CD4: variants seen among roughly 807,000 people sequenced by gnomAD.
CD4 encodes CD4 molecule, also known as T-cell surface glycoprotein CD4.
CD4 carries 25 observed loss-of-function variants against 50.5 expected under a neutral mutation model. The ratio of observed to expected loss-of-function variants is 0.49; its 90% CI spans 0.36 to 0.69. The LOEUF (loss-of-function observed/expected upper bound fraction) is 0.69, where lower values mean the gene tolerates loss of function less well. CD4 is among the 30% of genes least tolerant of loss of function. CD4 has a pLI of 0.00. For missense variants in CD4, 456 were observed against 548.5 expected (o/e 0.83, Z 1.68); for synonymous variants, 207 against 221.9 (o/e 0.93, Z 0.60).
chr12:6,817,837 A>G (rs1555118226), intron 7 of CD4, among the ~76,000 whole-genome samples: 1 of 149,640 alleles, frequency 6.7e-6, no homozygotes, highest in Non-Finnish European at 1.5e-5. Context: ...ACTGTCACAC[A>G]CTCATACACA....
intron 3 of CD4, among the ~76,000 whole-genome samples, chr12:6,807,113 G>A (rs113551656): frequency 0.054 from 8,175 of 152,158 alleles, 318 homozygotes; most frequent in South Asian, 0.16. Flanking sequence ...CTTGCAGTGA[G>A]CCGAGATCGC....
At position 6,816,539 on chromosome 12, in the gene CD4, C is replaced by T; in HGVS notation, c.955+136C>T. ...CACCTGGATGAAGTGAGGGAGGGCC[C>T]TCTGGGTTTGGGGCTGGTTTTGAAC... On this transcript the variant is annotated intron_variant, in intron 6 of 9. Coordinates refer to ENST00000011653, the MANE Select transcript of CD4 (RefSeq NM_000616.5). The surrounding 1 kb of genome is among the most constrained non-coding windows in gnomAD (Gnocchi z 4.9). 1.3e-6 allele frequency: 1 copy of T among 744,044 alleles called. No homozygotes were observed. Among genetic ancestry groups the T allele is most frequent in the East Asian group, 2.7e-5 (1 of 36,824 alleles). The allele number at this position is 744,044 out of a possible 1,614,324, so 46.1% of individuals were successfully genotyped here.
intron 1 of CD4, among the ~76,000 whole-genome samples, chr12:6,794,906 A>G (rs1565489062): frequency 6.6e-6 from 1 of 151,096 alleles, no homozygotes; most frequent in Non-Finnish European, 1.5e-5. Flanking sequence ...TCCTGCCTCA[A>G]TCTTTGGAGT....
chr12:6,818,531 C>G lies in CD4; in HGVS notation c.1267C>G (p.Arg423Gly), dbSNP rs201103713. 16 of 1,612,880 alleles carry G rather than the reference C, an allele frequency of 9.9e-6. No individual in the cohort carries two copies. The highest frequency in any genetic ancestry group is 1.3e-5 in the African/African-American group (1 of 75,064). The change falls in exon 8 of 10, where the codon CGG (arginine) becomes GGG (glycine). Residue 423 changes from arginine to glycine, a missense_variant. Coordinates refer to ENST00000011653, the MANE Select transcript of CD4 (RefSeq NM_000616.5). This position sits in a 1 kb window ranked among gnomAD's most constrained non-coding sequence, Gnocchi z 5.0. ...GLGIFFCVRC[R>G]HRRRQAERMS... is the part of the protein sequence containing the mutation. ...AGGCATCTTCTTCTGTGTCAGGTGC[C>G]GGCACCGAAGGGTGAGTAACCCCAC... is the stretch of plus-strand genomic sequence containing the variant.
chr12:6,794,169 T>G (rs1942291756), intron 1 of CD4, among the ~76,000 whole-genome samples: 2 of 149,358 alleles, frequency 1.3e-5, no homozygotes, highest in African/African-American at 5.0e-5. Context: ...GCCTCCCGGG[T>G]TCAAGCGATT....
rs782711669 is a variant in CD4 at position 6,818,469 on chromosome 12, TG to T, written c.1211del (p.Gly404AlafsTer11). 4 of 1,613,014 alleles carry T rather than the reference TG, an allele frequency of 2.5e-6. No individual in the cohort carries two copies. Among genetic ancestry groups the T allele is most frequent in the Non-Finnish European group, 1.7e-6 (2 of 1,180,004 alleles). ...TPVQPMALIV[L>X]GGVAGLLLFI... Reference sequence around the variant, plus strand: ...GTGCAGCCAATGGCCCTGATTGTGCTGGGGGGCGTCGCCGGCCTCCTGCTTT... The same window carrying T: ...GTGCAGCCAATGGCCCTGATTGTGCTGGGGGCGTCGCCGGCCTCCTGCTTT... On this transcript the variant is annotated frameshift_variant, in exon 8 of 10. Transcript: ENST00000011653. LOFTEE classifies it high-confidence loss of function. This position sits in a 1 kb window ranked among gnomAD's most constrained non-coding sequence, Gnocchi z 5.0.
chr12:6,819,282 C>T lies in CD4; in HGVS notation c.1347-17C>T. ...CAGTGGGGACAGACCTGCTCCCCTT[C>T]TTCTTTGTTCCTGCAGCCGGTTTCA... is the stretch of plus-strand genomic sequence containing the variant. On this transcript the variant is annotated splice_polypyrimidine_tract_variant and intron_variant, in intron 9 of 9. Transcript: ENST00000011653. The T allele has an allele frequency of 6.2e-7, 1 of 1,614,080 alleles. No homozygotes were observed. The highest frequency in any genetic ancestry group is 8.5e-7 in the Non-Finnish European group (1 of 1,179,930).
chr12:6,798,621 A>T (rs1009034951), intron 1 of CD4, among the ~76,000 whole-genome samples: 2 of 152,174 alleles, frequency 1.3e-5, no homozygotes, highest in Admixed American at 6.5e-5. Context: ...GGAGTTTCTT[A>T]TGTCTTCCTT....
intron 1 of CD4, among the ~76,000 whole-genome samples, chr12:6,794,786 G>GTTTTTTTTTT (rs1220016459): frequency 8.5e-5 from 9 of 105,366 alleles, no homozygotes; most frequent in Admixed American, 2.3e-4. Context: ...TTTTTTTTTT[G>GTTTTTTTTTT]TTTTTTTTTT....
intron 1 of CD4, among the ~76,000 whole-genome samples, chr12:6,798,222 T>TTTTTGTGA (rs1287141843): frequency 5.5e-4 from 46 of 83,662 alleles, no homozygotes; most frequent in Admixed American, 8.4e-4. Flanking sequence ...CAGGCTGGAG[T>TTTTTGTGA]GCAGTGGCGC....
chr12:6,815,960 C>A, intron 5 of CD4, 96 bp from the exon 6 acceptor site: 1 of 1,566,816 alleles, frequency 6.4e-7, no homozygotes, highest in South Asian at 1.2e-5. Flanking sequence ...TCGTCGGGTC[C>A]CCTTCCATCT....
intron 3 of CD4, among the ~76,000 whole-genome samples, chr12:6,801,599 C>T (rs146609464): frequency 0.013 from 1,927 of 150,564 alleles, 31 homozygotes; most frequent in African/African-American, 0.042. Flanking sequence ...CTCGTTCTGT[C>T]GCCCAGGCTG....
rs1190331748 is a variant in CD4 at position 6,805,184 on chromosome 12, CAAA to C, written c.214+4733_214+4735del. Among the ~76,000 whole-genome samples, 23 of 79,118 alleles carry C rather than the reference CAAA, an allele frequency of 2.9e-4. No homozygotes were observed. In the East Asian group the frequency reaches 5.3e-3, roughly 18 times the overall value. The allele number at this position is 79,118 out of a possible 152,430, so 51.9% of individuals were successfully genotyped here. On this transcript the variant is annotated intron_variant, in intron 3 of 9. Transcript: ENST00000011653. ...TCGGTAGGAGAGCAAGACCCTATCTCAAAAAAAAAAAAAAAAAAAAAAGAAAAG... is the reference window on the plus strand; with the variant it reads ...TCGGTAGGAGAGCAAGACCCTATCTCAAAAAAAAAAAAAAAAAAAGAAAAG...
intron 1 of CD4, among the ~76,000 whole-genome samples, chr12:6,797,594 A>G (rs181915606): frequency 6.6e-6 from 1 of 152,238 alleles, no homozygotes; most frequent in East Asian, 1.9e-4. Context: ...CACTATCTTT[A>G]CTATCTCCGC....
At chr12:6,802,682 C>A (rs1271921648) in intron 3 of CD4, among the ~76,000 whole-genome samples, 1 of 152,120 alleles carries the variant, frequency 6.6e-6, no homozygotes, top group East Asian at 1.9e-4. Flanking sequence ...ACTGTATATA[C>A]CTTTTTTCCT....
At position 6,808,167 on chromosome 12, in the gene CD4, A is replaced by C. The variant is rs114921361; in HGVS notation, c.215-5975A>C. 6.1e-3 allele frequency among the ~76,000 whole-genome samples: 931 copies of C among 151,550 alleles called. 13 individuals are homozygous for C. The highest frequency in any genetic ancestry group is 0.022 in the African/African-American group (901 of 41,348). On this transcript the variant is annotated intron_variant, in intron 3 of 9. Transcript: ENST00000011653. ...GTTCAAATGACTAACCTAAAAAGTG[A>C]AGATTGGCCAGGCGCAGTGGCTCAC...
At chr12:6,791,673 G>A (rs544158077) in intron 1 of CD4, among the ~76,000 whole-genome samples, 19 of 152,340 alleles carry the variant, frequency 1.2e-4, no homozygotes, top group African/African-American at 4.6e-4. Flanking sequence ...TTGAACCTGG[G>A]AGTTTGAGAC....
At chr12:6,798,270 C>A (rs370341408) in intron 1 of CD4, among the ~76,000 whole-genome samples, 1 of 91,662 alleles carries the variant, frequency 1.1e-5, no homozygotes, top group Admixed American at 9.9e-5. Context: ...CCCGGGTTCA[C>A]GCCATTCTCC....
At chr12:6,804,151 T>TAAAA (rs1180102253) in intron 3 of CD4, among the ~76,000 whole-genome samples, 23 of 115,540 alleles carry the variant, frequency 2.0e-4, no homozygotes, top group African/African-American at 6.3e-4. Context: ...AATAAATAAA[T>TAAAA]AAAATAAAAA....
Sources: allele counts gnomAD v4.1 joint callset (sites outside exome capture counted in the v4.1 genomes callset), GRCh38; gene constraint gnomAD v4.1.1; non-coding constraint Gnocchi (gnomAD v3.1); transcripts MANE v1.5; gene names NCBI Gene and HGNC (gene_info 2026-07-23, HGNC 2026-07-21).